The following FMNL2 variants were observed in gnomAD, a reference collection of about 807,000 sequenced individuals.
FMNL2 encodes the protein formin-like protein 2.
In FMNL2, 51 loss-of-function variants were observed where a neutral mutation model predicts 130.2. That is an observed-to-expected ratio of 0.39 (90% CI 0.31 to 0.49). FMNL2 has a LOEUF of 0.49. Ranked by LOEUF, FMNL2 falls within the 20% of genes least tolerant of loss-of-function variation. FMNL2 has a pLI of 0.85. For synonymous variants in FMNL2, 465 were observed against 467.1 expected (o/e 1.00, Z 0.06); for missense variants, 977 against 1,316.2 (o/e 0.74, Z 3.99).
intron 1 of FMNL2, among the ~76,000 whole-genome samples, chr2:152,435,215 C>T (rs1687688870): frequency 6.6e-6 from 1 of 152,100 alleles, no homozygotes. Flanking sequence ...GGCATGGTGG[C>T]TCACTGCTGT....
In FMNL2 at chr2:152,371,669, A is replaced by AG. The variant is rs1491239402; in HGVS notation, c.117+35949_117+35950insG. Among the ~76,000 whole-genome samples the AG allele has an allele frequency of 3.7e-5, 4 of 108,824 alleles. No homozygotes were observed. In the East Asian group the frequency reaches 4.5e-3, roughly 124 times the overall value. The allele number at this position is 108,824 out of a possible 152,430, so 71.4% of individuals were successfully genotyped here. A position where few individuals can be genotyped will look rare whatever the true frequency, so the allele number is the denominator to read the frequency against. On this transcript the variant is annotated intron_variant, in intron 1 of 25. Coordinates refer to ENST00000288670, the MANE Select transcript of FMNL2 (RefSeq NM_052905.4). The stretch of plus-strand genomic sequence containing the variant: ...GGGTGACAGAGTGAGACTCTGTCTC[A>AG]AAAAAAAAAAAAAAAAAAAAGAAAG...
In FMNL2 at chr2:152,428,935, T is replaced by G. The variant is rs555682016; in HGVS notation, c.118-93008T>G. On this transcript the variant is annotated intron_variant, in intron 1 of 25. Transcript: ENST00000288670. ...TGCATGAAAATAGTTAAAGCTTGCA[T>G]GTTCTCACTTACAAGTGGGAGCTAA... Among the ~76,000 whole-genome samples the G allele has an allele frequency of 3.2e-4, 48 of 152,292 alleles. 1 individual carries two copies. In the South Asian group the frequency reaches 9.5e-3, roughly 30 times the overall value.
At chr2:152,336,079 C>CT (rs5835420) in intron 1 of FMNL2, among the ~76,000 whole-genome samples, 21,669 of 128,610 alleles carry the variant, frequency 0.17, 1,807 homozygotes, top group Middle Eastern at 0.31. Flanking sequence ...GCCGCTTAGG[C>CT]TTTTTTTTTA....
rs753791325 is a variant in FMNL2, at chr2:152,640,783, CT to C, written c.3046-6del. On this transcript the variant is annotated splice_polypyrimidine_tract_variant and splice_region_variant and intron_variant, in intron 24 of 25. Transcript: ENST00000288670. ...GCCTCACTAATCTCTGCCCTTCTTTCTTCTCAGTCTCCTTCTCATAAATCAA... is the reference window on the plus strand; with the variant it reads ...GCCTCACTAATCTCTGCCCTTCTTTCTCTCAGTCTCCTTCTCATAAATCAA... 19 of 1,612,086 alleles carry C rather than the reference CT, an allele frequency of 1.2e-5. 1 individual carries two copies. In the South Asian group the frequency reaches 1.8e-4, roughly 15 times the overall value.
chr2:152,370,507 G>C (rs1683815629), intron 1 of FMNL2, among the ~76,000 whole-genome samples: 1 of 152,144 alleles, frequency 6.6e-6, no homozygotes, highest in South Asian at 2.1e-4. Context: ...ACCATTAGGA[G>C]GACTACATTG....
chr2:152,512,820 G>A (rs1692559508), intron 1 of FMNL2, among the ~76,000 whole-genome samples: 1 of 152,134 alleles, frequency 6.6e-6, no homozygotes, highest in South Asian at 2.1e-4. Context: ...GAAGACAGTG[G>A]CAAGTGCTGG....
chr2:152,558,405 G>A (rs1292394881), intron 4 of FMNL2, among the ~76,000 whole-genome samples: 1 of 152,210 alleles, frequency 6.6e-6, no homozygotes, highest in East Asian at 1.9e-4. Flanking sequence ...CAAGCAGGCT[G>A]TAGATCAATT....
At chr2:152,562,835 ACCACTAGTT>A (rs1253530022) in intron 6 of FMNL2, among the ~76,000 whole-genome samples, 4 of 152,312 alleles carry the variant, frequency 2.6e-5, no homozygotes, top group African/African-American at 9.6e-5. Context: ...GGAAATTCTC[ACCACTAGTT>A]TAACTGTAAT....
chr2:152,479,398 G>A lies in FMNL2; in HGVS notation c.118-42545G>A, dbSNP rs186397041. Among the ~76,000 whole-genome samples, 80 of 152,278 alleles carry A rather than the reference G, an allele frequency of 5.3e-4. 1 individual carries two copies. The highest frequency in any genetic ancestry group is 1.9e-3 in the African/African-American group (79 of 41,544). ...GGGCTCAAGTCATCCTCCTGCGTTG[G>A]CCTCCTAAAGTTCTGGGATTACAGG... On this transcript the variant is annotated intron_variant, in intron 1 of 25. Coordinates refer to ENST00000288670, the MANE Select transcript of FMNL2 (RefSeq NM_052905.4).
chr2:152,616,783 CCT>C (rs1698976919), intron 12 of FMNL2, among the ~76,000 whole-genome samples: 1 of 152,128 alleles, frequency 6.6e-6, no homozygotes, highest in African/African-American at 2.4e-5. Flanking sequence ...GACTTTCCCT[CCT>C]CTTTCTCCTT....
At chr2:152,529,581 CT>C (rs1400391220) in intron 2 of FMNL2, among the ~76,000 whole-genome samples, 1 of 152,128 alleles carries the variant, frequency 6.6e-6, no homozygotes, top group Non-Finnish European at 1.5e-5. Context: ...TTCTGAAACA[CT>C]GGAAAAGCAA....
chr2:152,558,544 TA>T (rs950354621), intron 4 of FMNL2, among the ~76,000 whole-genome samples, 195 bp from the exon 5 acceptor site: 6 of 152,178 alleles, frequency 3.9e-5, no homozygotes, highest in African/African-American at 1.4e-4. Context: ...TTTTGCACAT[TA>T]AAAAGTTGTG....
At chr2:152,589,959 A>ATGTATG (rs1356424176) in intron 9 of FMNL2, among the ~76,000 whole-genome samples, 7 of 12,906 alleles carry the variant, frequency 5.4e-4, no homozygotes, top group Non-Finnish European at 7.7e-4. Context: ...ATATATATAT[A>ATGTATG]TATATATATA....
intron 1 of FMNL2, among the ~76,000 whole-genome samples, chr2:152,504,270 T>C (rs1692025792): frequency 6.6e-6 from 1 of 151,350 alleles, no homozygotes; most frequent in Non-Finnish European, 1.5e-5. Context: ...TTTTTTTTTT[T>C]CTTTTCTTCG....
intron 6 of FMNL2, among the ~76,000 whole-genome samples, chr2:152,564,247 C>G (rs187901221): frequency 9.2e-4 from 139 of 151,674 alleles, no homozygotes; most frequent in African/African-American, 3.2e-3. Context: ...TAGTATATGT[C>G]TTCTGTATCC....
chr2:152,539,071 A>AT (rs1558947430), intron 2 of FMNL2: 1 of 152,102 alleles, frequency 6.6e-6, no homozygotes, highest in African/African-American at 2.4e-5. Flanking sequence ...ATCCCATGTT[A>AT]TTTTCAGGAC....
chr2:152,561,307 A>C (rs1192820165), intron 6 of FMNL2, among the ~76,000 whole-genome samples: 1 of 152,158 alleles, frequency 6.6e-6, no homozygotes, highest in African/African-American at 2.4e-5. Context: ...GGATAGTCTC[A>C]TAGGCAGATA....
chr2:152,576,588 A>G (rs1696492548), intron 7 of FMNL2, among the ~76,000 whole-genome samples: 1 of 152,212 alleles, frequency 6.6e-6, no homozygotes, highest in Admixed American at 6.5e-5. Context: ...AGTGGAGTCA[A>G]GATTTGGACC....
intron 1 of FMNL2, among the ~76,000 whole-genome samples, chr2:152,456,139 T>A (rs532454446): frequency 6.6e-6 from 1 of 152,320 alleles, no homozygotes; most frequent in African/African-American, 2.4e-5. Flanking sequence ...GAGTCAGAAA[T>A]TTTGTCCTTT....
Sources: gnomAD v4.1 joint callset for allele counts (sites outside exome capture counted in the v4.1 genomes callset) on GRCh38, gnomAD v4.1.1 for gene constraint, MANE v1.5 for transcripts, NCBI Gene and HGNC (gene_info 2026-07-23, HGNC 2026-07-21) for gene names.